The following SEMA6D variants were observed in gnomAD, a reference collection of about 807,000 sequenced individuals.
SEMA6D encodes the protein semaphorin 6D.
Under a neutral mutation model 106.6 loss-of-function variants are expected in SEMA6D, and 35 were observed. That is an observed-to-expected ratio of 0.33 (90% CI 0.25 to 0.44). The LOEUF is 0.44. Among genes scored for constraint, SEMA6D ranks in the 20% least tolerant of loss-of-function variants. The probability of loss-of-function intolerance (pLI) is 1.00; values close to 1 mark genes in which losing one functional copy is unlikely to be tolerated. For missense variants in SEMA6D, 1,185 were observed against 1,345.9 expected (o/e 0.88, Z 1.87); for synonymous variants, 499 against 487.7 (o/e 1.02, Z -0.31).
chr15:47,611,469 C>T (rs551057771), intron 4 of SEMA6D, among the ~76,000 whole-genome samples: 1 of 152,240 alleles, frequency 6.6e-6, no homozygotes, highest in African/African-American at 2.4e-5. Flanking sequence ...CAGATTATAG[C>T]ACTTTGTATA....
At chr15:47,665,437 A>G (rs894492914) in intron 4 of SEMA6D, among the ~76,000 whole-genome samples, 36 of 152,264 alleles carry the variant, frequency 2.4e-4, no homozygotes, top group African/African-American at 8.4e-4. Flanking sequence ...CAGAACAGCA[A>G]CTAATCAAAT....
intron 4 of SEMA6D, among the ~76,000 whole-genome samples, chr15:47,607,208 A>G (rs1262272176): frequency 6.6e-6 from 1 of 152,238 alleles, no homozygotes; most frequent in East Asian, 1.9e-4. Flanking sequence ...TTAAAATCAT[A>G]TATGACTTCC....
At chr15:47,611,523 C>T (rs1234943562) in intron 4 of SEMA6D, among the ~76,000 whole-genome samples, 4 of 152,010 alleles carry the variant, frequency 2.6e-5, no homozygotes, top group African/African-American at 9.7e-5. Flanking sequence ...ACAAAGTACA[C>T]AAAATATACT....
intron 3 of SEMA6D, among the ~76,000 whole-genome samples, chr15:47,585,551 G>C (rs2076323691): frequency 6.6e-6 from 1 of 152,158 alleles, no homozygotes; most frequent in South Asian, 2.1e-4. Flanking sequence ...CAAGAAATAA[G>C]AGAAAGACAG....
chr15:47,450,667 A>C (rs1303234655), intron 2 of SEMA6D, among the ~76,000 whole-genome samples: 1 of 152,086 alleles, frequency 6.6e-6, no homozygotes, highest in African/African-American at 2.4e-5. Flanking sequence ...TTTCAATTAT[A>C]AAAGTGGAAG....
chr15:47,639,064 C>T lies in SEMA6D; in HGVS notation c.-55+38168C>T, dbSNP rs141886906. ...GCAGGGAGGACACAGACTCTGCTCACGTGAGGTGCCCTTCTGCCTGGGGTT... is the reference window on the plus strand; with the variant it reads ...GCAGGGAGGACACAGACTCTGCTCATGTGAGGTGCCCTTCTGCCTGGGGTT... On this transcript the variant is annotated intron_variant, in intron 4 of 19. Transcript: ENST00000558014. Among the ~76,000 whole-genome samples, 425 of 152,312 alleles carry T rather than the reference C, an allele frequency of 2.8e-3. 2 individuals are homozygous for T. Among genetic ancestry groups the T allele is most frequent in the Non-Finnish European group, 3.7e-3 (250 of 68,034 alleles).
At chr15:47,517,275 G>A (rs568788832) in intron 3 of SEMA6D, among the ~76,000 whole-genome samples, 1 of 152,180 alleles carries the variant, frequency 6.6e-6, no homozygotes, top group South Asian at 2.1e-4. Flanking sequence ...TTCAAGATGG[G>A]TATGTTAGAA....
chr15:47,742,883 A>G (rs764387684), intron 1 of SEMA6D, among the ~76,000 whole-genome samples: 5 of 152,218 alleles, frequency 3.3e-5, no homozygotes, highest in Non-Finnish European at 5.9e-5. Context: ...AAAGAGCTGC[A>G]GGTCTCTATA....
intron 1 of SEMA6D, among the ~76,000 whole-genome samples, chr15:47,372,348 G>C (rs1220820795): frequency 6.6e-6 from 1 of 152,192 alleles, no homozygotes; most frequent in African/African-American, 2.4e-5. Flanking sequence ...GACACTCTCT[G>C]ACAGGAAATC....
intron 1 of SEMA6D, among the ~76,000 whole-genome samples, chr15:47,340,614 A>G (rs969120021): frequency 6.6e-6 from 1 of 152,254 alleles, no homozygotes; most frequent in African/African-American, 2.4e-5. Flanking sequence ...GGTCTGATCT[A>G]GAAGCCATCA....
At chr15:47,350,421 G>A (rs4516168) in intron 1 of SEMA6D, among the ~76,000 whole-genome samples, 79,320 of 152,042 alleles carry the variant, frequency 0.52, 24,026 homozygotes, top group African/African-American at 0.85. Context: ...AAGGTATTCT[G>A]TTAGCAGGGG....
At chr15:47,590,736 C>T (rs114330771) in intron 3 of SEMA6D, among the ~76,000 whole-genome samples, 169 of 152,134 alleles carry the variant, frequency 1.1e-3, no homozygotes, top group African/African-American at 3.9e-3. Context: ...TGCAATCCAA[C>T]GAATACCAAG....
At chr15:47,665,094 A>G (rs1283701169) in intron 4 of SEMA6D, among the ~76,000 whole-genome samples, 1 of 152,138 alleles carries the variant, frequency 6.6e-6, no homozygotes, top group East Asian at 1.9e-4. Flanking sequence ...TTCCTCTGTC[A>G]AACATACCTA....
intron 1 of SEMA6D, among the ~76,000 whole-genome samples, chr15:47,209,785 C>T (rs1488045971): frequency 6.6e-6 from 1 of 152,116 alleles, no homozygotes; most frequent in Non-Finnish European, 1.5e-5. Context: ...AAGGAAGTTT[C>T]TCAAATGTTG....
intron 3 of SEMA6D, among the ~76,000 whole-genome samples, chr15:47,570,399 G>A (rs1253867630): frequency 6.6e-6 from 1 of 152,182 alleles, no homozygotes; most frequent in African/African-American, 2.4e-5. Flanking sequence ...ATTATATGGG[G>A]TTTTTGTGTG....
chr15:47,613,373 T>C (rs12908185), intron 4 of SEMA6D, among the ~76,000 whole-genome samples: 54,308 of 151,964 alleles, frequency 0.36, 9,872 homozygotes, highest in East Asian at 0.51. Flanking sequence ...ATGCATCAAT[T>C]TCCTTCCAGG....
At chr15:47,277,692 A>G (rs1171329477) in intron 1 of SEMA6D, among the ~76,000 whole-genome samples, 1 of 151,550 alleles carries the variant, frequency 6.6e-6, no homozygotes, top group Non-Finnish European at 1.5e-5. Context: ...TACATGTGCC[A>G]TGCTGGTGCG....
At chr15:47,696,138 G>A (rs1022833697) in intron 4 of SEMA6D, among the ~76,000 whole-genome samples, 6 of 152,032 alleles carry the variant, frequency 3.9e-5, no homozygotes, top group African/African-American at 1.2e-4. Context: ...GGATTACCAC[G>A]GTGATCTGAA....
At chr15:47,534,235 G>A (rs2045077200) in intron 3 of SEMA6D, among the ~76,000 whole-genome samples, 3 of 152,268 alleles carry the variant, frequency 2.0e-5, no homozygotes, top group South Asian at 4.1e-4. Context: ...TTGTCACCCA[G>A]GCTGGAGTAC....
Sources: gnomAD v4.1 joint callset for allele counts (sites outside exome capture counted in the v4.1 genomes callset) on GRCh38, gnomAD v4.1.1 for gene constraint, MANE v1.5 for transcripts, NCBI Gene and HGNC (gene_info 2026-07-23, HGNC 2026-07-21) for gene names.